SLC13A3: variants seen among roughly 807,000 people sequenced by gnomAD.
SLC13A3 encodes solute carrier family 13 member 3.
A neutral mutation model predicts 59.0 loss-of-function variants in SLC13A3; 40 were observed. The ratio of observed to expected loss-of-function variants is 0.68; its 90% confidence interval spans 0.53 to 0.88. SLC13A3 has a LOEUF of 0.88. Among genes scored for constraint, SLC13A3 ranks in the 40% least tolerant of loss-of-function variants. The pLI, the probability that SLC13A3 is intolerant of heterozygous loss-of-function variation, is 0.00. For missense variants in SLC13A3, 699 were observed against 783.2 expected (o/e 0.89, Z 1.28); for synonymous variants, 317 against 330.3 (o/e 0.96, Z 0.44).
chr20:46,576,682 C>A (rs1161332027), intron 9 of SLC13A3, among the ~76,000 whole-genome samples: 1 of 152,100 alleles, frequency 6.6e-6, no homozygotes, highest in African/African-American at 2.4e-5. Flanking sequence ...GGTAATCACT[C>A]CTGAAATAGG....
intron 5 of SLC13A3, among the ~76,000 whole-genome samples, chr20:46,595,097 C>G (rs775464657): frequency 1.3e-5 from 2 of 152,160 alleles, no homozygotes; most frequent in African/African-American, 2.4e-5. Flanking sequence ...TATTTGGTGT[C>G]CTTTGTTGGC....
intron 4 of SLC13A3, among the ~76,000 whole-genome samples, chr20:46,598,193 C>T (rs1051003988): frequency 6.6e-6 from 1 of 152,114 alleles, no homozygotes; most frequent in African/African-American, 2.4e-5. Flanking sequence ...ATAAGGGACT[C>T]CTTCCCCAGA....
At chr20:46,633,633 T>C (rs1412171885) in intron 1 of SLC13A3, among the ~76,000 whole-genome samples, 3 of 152,204 alleles carry the variant, frequency 2.0e-5, no homozygotes, top group South Asian at 2.1e-4. Context: ...TAGCTACACA[T>C]GTTGAGCCCT....
chr20:46,656,163 T>C (rs1289802605), upstream of SLC13A3, among the ~76,000 whole-genome samples: 3 of 143,808 alleles, frequency 2.1e-5, no homozygotes, highest in African/African-American at 7.5e-5. Context: ...TAATAGACTG[T>C]ACAGTCTGTA....
At chr20:46,652,282 T>C (rs1386470561), upstream of SLC13A3, among the ~76,000 whole-genome samples, 3 of 152,240 alleles carry the variant, frequency 2.0e-5, no homozygotes, top group African/African-American at 4.8e-5. Flanking sequence ...AGAAGGTTGT[T>C]AGGAAGTTTA....
At position 46,560,063 on chromosome 20, in the gene SLC13A3, A is replaced by C; in HGVS notation, c.1768T>G (p.Leu590Val). 1 of 1,614,188 alleles carries C rather than the reference A, an allele frequency of 6.2e-7. No individual in the cohort carries two copies. The highest frequency in any genetic ancestry group is 1.3e-5 in the African/African-American group (1 of 75,040). The change falls in exon 13 of 13, where the codon TTG becomes GTG. Residue 590 changes from leucine (L) to valine (V), a missense_variant. Coordinates refer to ENST00000279027, the MANE Select transcript of SLC13A3 (RefSeq NM_022829.6). Reference sequence around the variant, plus strand: ...GTGTCATTGGCCAAGGTGGGTGGCAATGCTGTGACATTGACCGAGTACATA... The same window carrying C: ...GTGTCATTGGCCAAGGTGGGTGGCACTGCTGTGACATTGACCGAGTACATA... Reference protein sequence around the residue: ...ADMYSVNVTALPPTLANDTFR... With the variant: ...ADMYSVNVTAVPPTLANDTFR...
At chr20:46,613,796 A>G (rs1472514279) in intron 1 of SLC13A3, 71 bp from the exon 2 acceptor site, 1 of 972,628 alleles carries the variant, frequency 1.0e-6, no homozygotes, top group Non-Finnish European at 1.4e-6. Flanking sequence ...CCCAGGGCTC[A>G]GGGCAGAGGG....
chr20:46,660,124 A>G (rs2063020455), intron 1 of SLC13A3, among the ~76,000 whole-genome samples: 1 of 152,244 alleles, frequency 6.6e-6, no homozygotes, highest in African/African-American at 2.4e-5. Flanking sequence ...ACATGTATAA[A>G]TTATATAAAT....
Position 46,684,039 on chromosome 20 carries a change from C to G in SLC13A3, c.-31+357G>C, listed in dbSNP as rs1027961855. On this transcript the variant is annotated intron_variant, in intron 1 of 6. Transcript: ENST00000372121. ...CAAAACCCAACCTTGTAACAGGGCC[C>G]TGCAGGATCCGGCCCCGCCTCTCCC... Among the ~76,000 whole-genome samples, 63 of 152,166 alleles carry G rather than the reference C, an allele frequency of 4.1e-4. 1 individual carries two copies. Among genetic ancestry groups the G allele is most frequent in the Non-Finnish European group, 1.6e-4 (11 of 68,026 alleles).
intron 5 of SLC13A3, 93 bp downstream of exon 5, chr20:46,596,064 G>A: frequency 8.5e-7 from 1 of 1,179,180 alleles, no homozygotes; most frequent in Non-Finnish European, 1.2e-6. Context: ...CCCAGAGAAG[G>A]CCCTCAATAC....
intron 1 of SLC13A3, among the ~76,000 whole-genome samples, chr20:46,675,233 CTTTTT>C (rs1367226971): frequency 6.7e-6 from 1 of 150,106 alleles, no homozygotes; most frequent in Non-Finnish European, 1.5e-5. Context: ...CTTTTCTTTT[CTTTTT>C]TGTTTTTAGG....
At chr20:46,651,918 G>A (rs2062955003), upstream of SLC13A3, among the ~76,000 whole-genome samples, 1 of 152,204 alleles carries the variant, frequency 6.6e-6, no homozygotes, top group Admixed American at 6.5e-5. Context: ...CAAAAAAGAA[G>A]GACATCATGT....
intron 8 of SLC13A3, chr20:46,585,449 G>A (rs910664447): frequency 1.4e-5 from 14 of 995,418 alleles, no homozygotes; most frequent in East Asian, 2.2e-4. Context: ...ATATGTTGAC[G>A]TGATCACATT....
At chr20:46,642,460 C>T (rs934449110) in intron 1 of SLC13A3, among the ~76,000 whole-genome samples, 13 of 152,196 alleles carry the variant, frequency 8.5e-5, no homozygotes, top group Middle Eastern at 6.3e-3. Flanking sequence ...TAACACCTGG[C>T]GCTTAGTAGG....
chr20:46,605,688 C>T (rs2062431443), intron 3 of SLC13A3, among the ~76,000 whole-genome samples: 1 of 152,138 alleles, frequency 6.6e-6, no homozygotes, highest in Non-Finnish European at 1.5e-5. Flanking sequence ...ATACCCAGAA[C>T]TTTGGATCTC....
chr20:46,633,562 C>T (rs2062764930), intron 1 of SLC13A3, among the ~76,000 whole-genome samples: 1 of 132,160 alleles, frequency 7.6e-6, no homozygotes, highest in Non-Finnish European at 1.8e-5. Flanking sequence ...GGGCATTTCT[C>T]CCCCAGCCTC....
intron 6 of SLC13A3, among the ~76,000 whole-genome samples, chr20:46,591,596 G>A (rs2062257546): frequency 6.6e-6 from 1 of 152,120 alleles, no homozygotes; most frequent in African/African-American, 2.4e-5. Context: ...AGATATTAAG[G>A]TTTCTTTAGC....
intron 3 of SLC13A3, among the ~76,000 whole-genome samples, chr20:46,605,682 C>G (rs2062431332): frequency 6.6e-6 from 1 of 152,078 alleles, no homozygotes; most frequent in Non-Finnish European, 1.5e-5. Flanking sequence ...AGGATTATAC[C>G]CAGAACTTTG....
At chr20:46,654,531 ATTTT>A (rs1019322081), upstream of SLC13A3, among the ~76,000 whole-genome samples, 3 of 151,492 alleles carry the variant, frequency 2.0e-5, no homozygotes, top group African/African-American at 7.3e-5. Flanking sequence ...ATCAGGTATA[ATTTT>A]TTTTTCTTGT....
Sources: allele counts gnomAD v4.1 joint callset (sites outside exome capture counted in the v4.1 genomes callset), GRCh38; gene constraint gnomAD v4.1.1; transcripts MANE v1.5; gene names NCBI Gene and HGNC (gene_info 2026-07-23, HGNC 2026-07-21).